PIEZO2: variants seen among roughly 807,000 people sequenced by gnomAD.
PIEZO2 encodes piezo type mechanosensitive ion channel component 2, also known as piezo-type mechanosensitive ion channel component 2.
A neutral mutation model predicts 337.3 loss-of-function variants in PIEZO2; 172 were observed. The observed-to-expected ratio is 0.51, with a 90% CI of 0.45 to 0.58. The LOEUF (loss-of-function observed/expected upper bound fraction) is 0.58, where lower values mean the gene tolerates loss of function less well. Among genes scored for constraint, PIEZO2 ranks in the 20% least tolerant of loss-of-function variants. The pLI is 0.00. For missense variants in PIEZO2, 3,028 were observed against 3,391.3 expected, an observed-to-expected ratio of 0.89 and a Z score of 2.66; for synonymous variants, 1,251 against 1,228.5, an observed-to-expected ratio of 1.02 and a Z score of -0.38.
chr18:10,797,224 A>G, intron 12 of PIEZO2, 150 bp downstream of exon 12: 1 of 633,532 alleles, frequency 1.6e-6, no homozygotes, highest in Non-Finnish European at 2.6e-6. Context: ...ACATACCATC[A>G]TATATGTACT....
At chr18:11,119,289 A>C (rs529528155) in intron 1 of PIEZO2, among the ~76,000 whole-genome samples, 1 of 152,070 alleles carries the variant, frequency 6.6e-6, no homozygotes, top group East Asian at 1.9e-4. Context: ...CTGGGACTAC[A>C]GGCCCATGCC....
intron 2 of PIEZO2, among the ~76,000 whole-genome samples, chr18:11,046,337 A>G (rs987460386): frequency 1.8e-4 from 27 of 152,230 alleles, no homozygotes; most frequent in Admixed American, 7.9e-4. Context: ...CCTATGGGAC[A>G]AGTGTTGGCT....
At chr18:11,079,839 T>C (rs2038677430) in intron 1 of PIEZO2, among the ~76,000 whole-genome samples, 1 of 152,138 alleles carries the variant, frequency 6.6e-6, no homozygotes, top group East Asian at 1.9e-4. Flanking sequence ...AATAATTCAG[T>C]AAGGATTATC....
chr18:10,718,088 C>G, intron 37 of PIEZO2, 112 bp downstream of exon 37: 1 of 921,114 alleles, frequency 1.1e-6, no homozygotes, highest in Non-Finnish European at 1.7e-6. Context: ...TACTCATAGT[C>G]CAGAAAACAG....
At chr18:11,053,882 G>T (rs1403185319) in intron 2 of PIEZO2, among the ~76,000 whole-genome samples, 9 of 152,132 alleles carry the variant, frequency 5.9e-5, no homozygotes, top group African/African-American at 2.2e-4. Context: ...AAATTAGCCA[G>T]GGGTGGTGGT....
chr18:10,928,130 A>G (rs1249690308), intron 3 of PIEZO2, among the ~76,000 whole-genome samples: 1 of 152,182 alleles, frequency 6.6e-6, no homozygotes, highest in African/African-American at 2.4e-5. Flanking sequence ...GCCATTAGGA[A>G]AGAAAGAATG....
chr18:10,819,053 C>T lies in PIEZO2; in HGVS notation c.918-11779G>A, dbSNP rs939489692. On this transcript the variant is annotated intron_variant, in intron 7 of 55. Coordinates refer to ENST00000674853, the MANE Select transcript of PIEZO2 (RefSeq NM_001378183.1). The surrounding 1 kb of genome is among the most constrained non-coding windows in gnomAD (Gnocchi z 4.3). ...TAAACAGTAAATATACACATCGTCC[C>T]CCACCAAAATAATATGGAAATGTTC... Among the ~76,000 whole-genome samples the T allele has an allele frequency of 2.0e-5, 3 of 152,090 alleles. No homozygotes were observed. Among genetic ancestry groups the T allele is most frequent in the African/African-American group, 7.2e-5 (3 of 41,408 alleles).
At position 10,787,286 on chromosome 18, in the gene PIEZO2, C is replaced by A. The variant is rs1004445242; in HGVS notation, c.2170-102G>T. On this transcript the variant is annotated intron_variant, in intron 15 of 55. Coordinates refer to ENST00000674853, the MANE Select transcript of PIEZO2 (RefSeq NM_001378183.1). ...TCAAGTAAGACAAGTGATACATTTA[C>A]AAGTGTCTGAAAATAAAGTCTATTT... 8 of 1,115,858 alleles carry A rather than the reference C, an allele frequency of 7.2e-6. No homozygotes were observed. The Admixed American group carries it at 1.7e-4, about 24-fold the overall frequency. 69.1% of individuals were successfully genotyped at this position (1,115,858 alleles called of 1,614,324 possible). A position where few individuals can be genotyped will look rare whatever the true frequency, so the allele number is the denominator to read the frequency against.
rs974949050 is a variant in PIEZO2 at position 10,830,959 on chromosome 18, T to C, written c.918-23685A>G. On this transcript the variant is annotated intron_variant, in intron 7 of 55. Transcript: ENST00000674853. This position sits in a 1 kb window ranked among gnomAD's most constrained non-coding sequence, Gnocchi z 4.7. ...TTAGCATAATTTATCACCAGAGAAATGCGAATCAAAACTACAAATTATCTC... is the reference window on the plus strand; with the variant it reads ...TTAGCATAATTTATCACCAGAGAAACGCGAATCAAAACTACAAATTATCTC... Among the ~76,000 whole-genome samples, 2 of 152,126 alleles carry C rather than the reference T, an allele frequency of 1.3e-5. No individual in the cohort carries two copies. Among genetic ancestry groups the C allele is most frequent in the Admixed American group, 6.5e-5 (1 of 15,274 alleles).
intron 5 of PIEZO2, among the ~76,000 whole-genome samples, chr18:10,864,756 C>T (rs1038902128): frequency 3.3e-5 from 5 of 152,182 alleles, no homozygotes; most frequent in African/African-American, 1.2e-4. Context: ...AGCATCCATG[C>T]AAGAGTGAAC....
chr18:10,947,167 G>T (rs1036817858), intron 3 of PIEZO2, among the ~76,000 whole-genome samples: 9 of 151,790 alleles, frequency 5.9e-5, no homozygotes, highest in African/African-American at 2.2e-4. Flanking sequence ...AAAATCTGTA[G>T]AAAAAAAGCA....
chr18:10,756,072 G>C (rs866536586), intron 27 of PIEZO2, among the ~76,000 whole-genome samples: 1 of 146,954 alleles, frequency 6.8e-6, no homozygotes, highest in Non-Finnish European at 1.5e-5. Flanking sequence ...ATGGGGATAA[G>C]GATAAAGGAT....
intron 3 of PIEZO2, among the ~76,000 whole-genome samples, chr18:10,965,053 G>A (rs2033940936): frequency 6.6e-6 from 1 of 151,980 alleles, no homozygotes; most frequent in South Asian, 2.1e-4. Flanking sequence ...ACTTATTCAT[G>A]GATAACATGA....
chr18:10,687,242 C>G (rs2034585025), intron 49 of PIEZO2, among the ~76,000 whole-genome samples: 1 of 152,046 alleles, frequency 6.6e-6, no homozygotes, highest in African/African-American at 2.4e-5. Context: ...AGGTATTAAG[C>G]CCAGTGTCCA....
rs1663664255 is a variant in PIEZO2, at chr18:10,746,650, G to A, written c.4424+1821C>T. Among the ~76,000 whole-genome samples, 1 of 152,178 alleles carries A rather than the reference G, an allele frequency of 6.6e-6. No individual in the cohort carries two copies. The highest frequency in any genetic ancestry group is 2.4e-5 in the African/African-American group (1 of 41,438). On this transcript the variant is annotated intron_variant, in intron 30 of 55. Transcript: ENST00000674853. This position sits in a 1 kb window ranked among gnomAD's most constrained non-coding sequence, Gnocchi z 4.2. The stretch of plus-strand genomic sequence containing the variant: ...CGGACAGGAGGTAAGGCCTTTTGGA[G>A]TAGATTGAGTGGGAAAGCAGAGCCC...
At chr18:11,076,323 G>A (rs2038542877) in intron 1 of PIEZO2, among the ~76,000 whole-genome samples, 1 of 152,058 alleles carries the variant, frequency 6.6e-6, no homozygotes. Context: ...AAGCCTAAAG[G>A]AAAACAAGAC....
Position 10,682,961 on chromosome 18 carries a change from C to A in PIEZO2, c.7498-669G>T, listed in dbSNP as rs1335310509. Among the ~76,000 whole-genome samples, 1 of 152,136 alleles carries A rather than the reference C, an allele frequency of 6.6e-6. No homozygotes were observed. Among genetic ancestry groups the A allele is most frequent in the East Asian group, 1.9e-4 (1 of 5,170 alleles). On this transcript the variant is annotated intron_variant, in intron 49 of 55. Coordinates refer to ENST00000674853, the MANE Select transcript of PIEZO2 (RefSeq NM_001378183.1). The surrounding 1 kb of genome is among the most constrained non-coding windows in gnomAD (Gnocchi z 5.6). Reference sequence around the variant, plus strand: ...TGCTTTAATATAGATTCATGAAGGACCCACTAAGCCCCCTGCTTAAAGACT... The same window carrying A: ...TGCTTTAATATAGATTCATGAAGGAACCACTAAGCCCCCTGCTTAAAGACT...
At chr18:11,120,964 T>C (rs1020770809) in intron 1 of PIEZO2, among the ~76,000 whole-genome samples, 2 of 152,182 alleles carry the variant, frequency 1.3e-5, no homozygotes, top group African/African-American at 4.8e-5. Context: ...AATTGGCTGG[T>C]CACATTGACT....
chr18:10,709,994 C>T (rs1002777619), intron 39 of PIEZO2, among the ~76,000 whole-genome samples: 2 of 152,258 alleles, frequency 1.3e-5, no homozygotes, highest in Non-Finnish European at 2.9e-5. Flanking sequence ...GGGATGCTGA[C>T]ATTAACTGGC....
Sources: gnomAD v4.1 joint callset for allele counts (sites outside exome capture counted in the v4.1 genomes callset) on GRCh38, gnomAD v4.1.1 for gene constraint, Gnocchi (gnomAD v3.1) non-coding constraint, MANE v1.5 for transcripts, NCBI Gene and HGNC (gene_info 2026-07-23, HGNC 2026-07-21) for gene names.